The following FOXJ3 variants were observed in gnomAD, a reference collection of about 807,000 sequenced individuals.
FOXJ3 encodes the protein forkhead box J3.
In FOXJ3, 22 loss-of-function variants were observed where a neutral mutation model predicts 76.1. That is an observed-to-expected ratio of 0.29 (90% CI 0.21 to 0.41). The LOEUF (loss-of-function observed/expected upper bound fraction) is 0.41, where lower values mean the gene tolerates loss of function less well. Ranked by LOEUF, FOXJ3 falls within the 10% of genes least tolerant of loss-of-function variation. The probability of loss-of-function intolerance (pLI) is 1.00; values close to 1 mark genes in which losing one functional copy is unlikely to be tolerated. For missense variants in FOXJ3, 613 were observed against 762.1 expected, an observed-to-expected ratio of 0.80 and a Z score of 2.30; for synonymous variants, 269 against 261.2, an observed-to-expected ratio of 1.03 and a Z score of -0.29.
intron 3 of FOXJ3, among the ~76,000 whole-genome samples, chr1:42,268,906 A>G (rs1385448123): frequency 6.6e-6 from 1 of 152,136 alleles, no homozygotes; most frequent in Non-Finnish European, 1.5e-5. Context: ...AAGAGGCCTC[A>G]GAGAATTTAT....
intron 4 of FOXJ3, among the ~76,000 whole-genome samples, chr1:42,259,285 G>C (rs551804046): frequency 6.6e-6 from 1 of 152,236 alleles, no homozygotes; most frequent in African/African-American, 2.4e-5. Flanking sequence ...CTGGAATACT[G>C]TTCTCTATTT....
intron 7 of FOXJ3, among the ~76,000 whole-genome samples, chr1:42,196,318 AGAT>A (rs955601560): frequency 1.6e-4 from 24 of 152,306 alleles, no homozygotes; most frequent in Admixed American, 3.9e-4. Flanking sequence ...CAAACTATAT[AGAT>A]GTGATAAACC....
intron 5 of FOXJ3, among the ~76,000 whole-genome samples, chr1:42,219,866 C>A (rs1317937830): frequency 1.3e-5 from 2 of 152,162 alleles, no homozygotes; most frequent in Non-Finnish European, 2.9e-5. Context: ...CTGCAGTGAG[C>A]CATGGTCACA....
rs149157149 is a variant in FOXJ3, at chr1:42,294,936, A to G, written c.44+16114T>C. Among the ~76,000 whole-genome samples, 35 of 152,320 alleles carry G rather than the reference A, an allele frequency of 2.3e-4. No individual in the cohort carries two copies. The East Asian group carries it at 6.6e-3, about 29-fold the overall frequency. On this transcript the variant is annotated intron_variant, in intron 2 of 12. Coordinates refer to ENST00000361346, the MANE Select transcript of FOXJ3 (RefSeq NM_014947.5). ...CAGTATTTCATCAATTCTTAGTTCCATTTCAAGAGAATAAACTATCCTTGT... is the reference window on the plus strand; with the variant it reads ...CAGTATTTCATCAATTCTTAGTTCCGTTTCAAGAGAATAAACTATCCTTGT...
intron 7 of FOXJ3, among the ~76,000 whole-genome samples, chr1:42,197,717 C>T (rs1436823934): frequency 6.6e-6 from 1 of 151,616 alleles, no homozygotes; most frequent in Non-Finnish European, 1.5e-5. Context: ...CTCGCTCTAT[C>T]GCCCAGGCTG....
intron 4 of FOXJ3, among the ~76,000 whole-genome samples, chr1:42,253,105 T>G (rs879509553): frequency 0.018 from 2,650 of 145,388 alleles, no homozygotes; most frequent in South Asian, 0.046. Flanking sequence ...GATAAGCAAC[T>G]TCAGCAAAGT....
rs112387273 is a variant in FOXJ3, at chr1:42,226,368, T to C, written c.528+1515A>G. 2.0e-4 allele frequency among the ~76,000 whole-genome samples: 31 copies of C among 152,334 alleles called. 1 individual carries two copies. The highest frequency in any genetic ancestry group is 6.5e-4 in the African/African-American group (27 of 41,576). On this transcript the variant is annotated intron_variant, in intron 5 of 12. Coordinates refer to ENST00000361346, the MANE Select transcript of FOXJ3 (RefSeq NM_014947.5). Reference sequence around the variant, plus strand: ...GGGTCACGCCTGTAGTACCAGCACTTTGAGAGGCCAAGGTGGGTGGATCAC... The same window carrying C: ...GGGTCACGCCTGTAGTACCAGCACTCTGAGAGGCCAAGGTGGGTGGATCAC...
intron 5 of FOXJ3, among the ~76,000 whole-genome samples, chr1:42,224,868 C>T (rs1162609523): frequency 6.6e-6 from 1 of 151,862 alleles, no homozygotes; most frequent in African/African-American, 2.4e-5. Flanking sequence ...GGGTGGACTG[C>T]TTGAGCCCAG....
intron 3 of FOXJ3, among the ~76,000 whole-genome samples, chr1:42,270,037 C>T (rs1190212939): frequency 6.6e-6 from 1 of 152,134 alleles, no homozygotes; most frequent in East Asian, 1.9e-4. Flanking sequence ...TTCTTAAGCC[C>T]CCAAAGACTC....
At chr1:42,307,143 A>AAGGCTTCTTCAGCCCTATAGCAGC (rs1553168871) in intron 2 of FOXJ3, among the ~76,000 whole-genome samples, 2 of 152,222 alleles carry the variant, frequency 1.3e-5, no homozygotes, top group Non-Finnish European at 2.9e-5. Context: ...TTCCCCAGCA[A>AAGGCTTCTTCAGCCCTATAGCAGC]AGGCTTCTTC....
At chr1:42,283,862 C>T (rs1652883948) in intron 2 of FOXJ3, among the ~76,000 whole-genome samples, 1 of 152,184 alleles carries the variant, frequency 6.6e-6, no homozygotes, top group African/African-American at 2.4e-5. Flanking sequence ...TTACCTTTTA[C>T]CTTAGGAATA....
chr1:42,284,704 G>T (rs1196613831), intron 2 of FOXJ3, among the ~76,000 whole-genome samples: 1 of 152,180 alleles, frequency 6.6e-6, no homozygotes, highest in Non-Finnish European at 1.5e-5. Context: ...TATTGTTTCA[G>T]AAGGCCTCAC....
rs1220219362 is a variant in FOXJ3 at position 42,189,694 on chromosome 1, T to G, written c.1352-290A>C. 2.8e-5 allele frequency: 8 copies of G among 285,218 alleles called. No individual in the cohort carries two copies. In the Admixed American group the frequency reaches 3.5e-4, roughly 12 times the overall value. 17.7% of individuals were successfully genotyped at this position (285,218 alleles called of 1,614,324 possible). A position where few individuals can be genotyped will look rare whatever the true frequency, so the allele number is the denominator to read the frequency against. On this transcript the variant is annotated intron_variant, in intron 9 of 12. Transcript: ENST00000361346. The stretch of plus-strand genomic sequence containing the variant: ...TGAACCCAGGTCTTCTAACCTCCAG[T>G]CTAGCAGTTTCCAAATTGCCACATC...
At chr1:42,291,067 T>TAGAC (rs1468311182) in intron 2 of FOXJ3, among the ~76,000 whole-genome samples, 1,151 of 82,338 alleles carry the variant, frequency 0.014, 6 homozygotes, top group South Asian at 0.029. Context: ...GATAGATAGA[T>TAGAC]AGATAGATAG....
In FOXJ3 at chr1:42,277,360, A is replaced by C. The variant is rs535207131; in HGVS notation, c.369+988T>G. Among the ~76,000 whole-genome samples the C allele has an allele frequency of 1.8e-3, 124 of 68,340 alleles. 1 individual carries two copies. Among genetic ancestry groups the C allele is most frequent in the Admixed American group, 7.2e-3 (35 of 4,880 alleles). The allele number at this position is 68,340 out of a possible 152,430, so 44.8% of individuals were successfully genotyped here. ...GTAACAGAGCAAGACCTTGTCTCTA[A>C]TTAAAAAAAAAAAAAATCTTGGCCA... On this transcript the variant is annotated intron_variant, in intron 3 of 12. Transcript: ENST00000361346.
chr1:42,211,464 T>C (rs1228062325), intron 5 of FOXJ3, among the ~76,000 whole-genome samples: 1 of 152,064 alleles, frequency 6.6e-6, no homozygotes, highest in Admixed American at 6.6e-5. Flanking sequence ...TTCCTTCCCC[T>C]TGAGAAGACC....
At chr1:42,253,840 G>A (rs1435454360) in intron 4 of FOXJ3, among the ~76,000 whole-genome samples, 3 of 152,066 alleles carry the variant, frequency 2.0e-5, no homozygotes, top group East Asian at 1.9e-4. Flanking sequence ...TTATATGTTA[G>A]ACCTAAAACC....
intron 4 of FOXJ3, among the ~76,000 whole-genome samples, chr1:42,261,414 A>G (rs914182091): frequency 6.6e-6 from 1 of 152,076 alleles, no homozygotes; most frequent in Non-Finnish European, 1.5e-5. Context: ...TGTTTTTTTT[A>G]ATAAAGTGGT....
intron 2 of FOXJ3, among the ~76,000 whole-genome samples, chr1:42,288,199 G>A (rs1653186397): frequency 6.6e-6 from 1 of 152,190 alleles, no homozygotes; most frequent in Non-Finnish European, 1.5e-5. Flanking sequence ...CTGAGTAGTT[G>A]TAAAGATTGA....
Sources: allele counts gnomAD v4.1 joint callset (sites outside exome capture counted in the v4.1 genomes callset), GRCh38; gene constraint gnomAD v4.1.1; transcripts MANE v1.5; gene names NCBI Gene and HGNC (gene_info 2026-07-23, HGNC 2026-07-21).